Variants in DPP6 observed in about 807,000 individuals in gnomAD.
DPP6 encodes A-type potassium channel modulatory protein DPP6.
In DPP6, 69 loss-of-function variants were observed where a neutral mutation model predicts 122.6. The ratio of observed to expected loss-of-function variants is 0.56; its 90% CI spans 0.46 to 0.69. DPP6 has a LOEUF of 0.69. Ranked by LOEUF, DPP6 falls within the 30% of genes least tolerant of loss-of-function variation. DPP6 has a pLI of 0.00. For missense variants in DPP6, 928 were observed against 1,116.9 expected, an observed-to-expected ratio of 0.83 and a Z score of 2.41; for synonymous variants, 418 against 433.1, an observed-to-expected ratio of 0.97 and a Z score of 0.43.
chr7:154,434,710 C>G (rs1424958404), intron 1 of DPP6, among the ~76,000 whole-genome samples: 2 of 152,190 alleles, frequency 1.3e-5, no homozygotes, highest in Non-Finnish European at 2.9e-5. Context: ...TAATGACTCT[C>G]TAGACAGTTG....
At chr7:154,195,558 G>T (rs1376668057) in intron 1 of DPP6, among the ~76,000 whole-genome samples, 1 of 152,148 alleles carries the variant, frequency 6.6e-6, no homozygotes, top group Non-Finnish European at 1.5e-5. Flanking sequence ...TGGCACTGAT[G>T]GGATGACTCC....
In DPP6 at chr7:154,174,963, G is replaced by A. The variant is rs1286210103; in HGVS notation, c.243+121900G>A. Among the ~76,000 whole-genome samples the A allele has an allele frequency of 1.0e-4, 15 of 149,538 alleles. 1 individual carries two copies. Among genetic ancestry groups the A allele is most frequent in the African/African-American group, 2.0e-4 (8 of 40,354 alleles). ...ATGATCTCGGATCACTGCAACCTCC[G>A]CCTCCCAGGTTCAAGCAATTCTGCC... On this transcript the variant is annotated intron_variant, in intron 1 of 25. Coordinates refer to ENST00000377770, the MANE Select transcript of DPP6 (RefSeq NM_130797.4).
intron 8 of DPP6, among the ~76,000 whole-genome samples, chr7:154,756,991 C>T (rs4960606): frequency 0.23 from 35,181 of 150,498 alleles, 4,186 homozygotes; most frequent in African/African-American, 0.29. Context: ...CCATCCCTCA[C>T]GGCCCCTGAG....
chr7:154,789,503 T>C (rs941911503), intron 10 of DPP6, among the ~76,000 whole-genome samples: 1 of 152,226 alleles, frequency 6.6e-6, no homozygotes, highest in African/African-American at 2.4e-5. Flanking sequence ...ACCAGTGCCA[T>C]CTGTGTTGCA....
intron 6 of DPP6, among the ~76,000 whole-genome samples, chr7:154,667,694 C>T (rs1028522411): frequency 6.6e-6 from 1 of 152,178 alleles, no homozygotes; most frequent in African/African-American, 2.4e-5. Flanking sequence ...TGCACTCCAG[C>T]CTGAGCGATA....
At chr7:154,405,688 A>G (rs923199167) in intron 1 of DPP6, among the ~76,000 whole-genome samples, 3 of 152,160 alleles carry the variant, frequency 2.0e-5, no homozygotes, top group Admixed American at 1.3e-4. Flanking sequence ...GGGGGTGGAC[A>G]GAGAAGGGAA....
At chr7:154,579,602 G>A (rs925824474) in intron 5 of DPP6, among the ~76,000 whole-genome samples, 4 of 152,208 alleles carry the variant, frequency 2.6e-5, no homozygotes, top group Admixed American at 2.6e-4. Context: ...CCTGCCATTG[G>A]CAAGCTTGCA....
intron 6 of DPP6, among the ~76,000 whole-genome samples, chr7:154,669,001 A>G (rs888839852): frequency 6.6e-6 from 1 of 152,202 alleles, no homozygotes; most frequent in African/African-American, 2.4e-5. Context: ...AGATGGAGAT[A>G]CAAATTGTGG....
rs747252196 is a variant in DPP6 at position 154,618,287 on chromosome 7, G to A, written c.628-19534G>A. On this transcript the variant is annotated intron_variant, in intron 5 of 25. Transcript: ENST00000377770. The surrounding 1 kb of genome is among the most constrained non-coding windows in gnomAD (Gnocchi z 4.1). ...GTGTCCTTTCCCAACCCCTGAGGAA[G>A]CTCAGCAGAGATGCTTCAGGATGAG... 6.6e-6 allele frequency among the ~76,000 whole-genome samples: 1 copy of A among 152,160 alleles called. No homozygotes were observed. Among genetic ancestry groups the A allele is most frequent in the Non-Finnish European group, 1.5e-5 (1 of 68,044 alleles).
chr7:153,794,804 A>G, the DPP6 span, among the ~76,000 whole-genome samples: 28 of 152,298 alleles, frequency 1.8e-4, no homozygotes, highest in Admixed American at 3.9e-4. Context: ...GGTGTTTCCC[A>G]TGCTATTCTC....
At chr7:154,691,993 T>TGA (rs1839957948) in intron 7 of DPP6, among the ~76,000 whole-genome samples, 4 of 149,212 alleles carry the variant, frequency 2.7e-5, no homozygotes, top group Admixed American at 6.7e-5. Flanking sequence ...AACCCAGCCC[T>TGA]CACTGGATTG....
chr7:153,832,769 C>T, the DPP6 span, among the ~76,000 whole-genome samples: 4 of 135,546 alleles, frequency 3.0e-5, no homozygotes, highest in Non-Finnish European at 4.9e-5. Flanking sequence ...TGTAAGCACA[C>T]GGTTGTTATT....
chr7:154,874,149 CCA>C (rs751761051), intron 19 of DPP6, among the ~76,000 whole-genome samples: 11 of 152,164 alleles, frequency 7.2e-5, no homozygotes, highest in Non-Finnish European at 1.0e-4. Flanking sequence ...TGCACACACA[CCA>C]CACACGTTTC....
intron 20 of DPP6, among the ~76,000 whole-genome samples, chr7:154,878,689 G>A (rs1336800663): frequency 6.6e-6 from 1 of 152,196 alleles, no homozygotes; most frequent in Non-Finnish European, 1.5e-5. Flanking sequence ...GATGAGCTGT[G>A]GAAGGGAGCT....
intron 1 of DPP6, among the ~76,000 whole-genome samples, chr7:154,218,981 A>G (rs560101280): frequency 6.6e-5 from 10 of 152,342 alleles, no homozygotes; most frequent in East Asian, 1.9e-4. Flanking sequence ...GAAGATATAT[A>G]TACACACACA....
At chr7:154,829,667 C>A (rs1800475331) in intron 16 of DPP6, among the ~76,000 whole-genome samples, 1 of 152,118 alleles carries the variant, frequency 6.6e-6, no homozygotes, top group Non-Finnish European at 1.5e-5. Context: ...CAGATGGGGG[C>A]TAGCTGGCAT....
chr7:154,200,323 A>G (rs1799104297), intron 1 of DPP6, among the ~76,000 whole-genome samples: 1 of 152,154 alleles, frequency 6.6e-6, no homozygotes, highest in Non-Finnish European at 1.5e-5. Flanking sequence ...TACCTTAAAT[A>G]TTTGTCTTTA....
intron 1 of DPP6, among the ~76,000 whole-genome samples, chr7:154,300,669 G>A (rs1464611241): frequency 6.6e-6 from 1 of 152,134 alleles, no homozygotes; most frequent in Non-Finnish European, 1.5e-5. Flanking sequence ...GTGTGTGTGT[G>A]GGGTTGGGGC....
Position 154,137,156 on chromosome 7 carries a change from G to A in DPP6, c.243+84093G>A, listed in dbSNP as rs145282416. ...AATGACCATAAAACGTTTCCACCCC[G>A]TTGAGGATGTTTCTTAGGACTTCTT... On this transcript the variant is annotated intron_variant, in intron 1 of 25. Coordinates refer to ENST00000377770, the MANE Select transcript of DPP6 (RefSeq NM_130797.4). 3.1e-3 allele frequency among the ~76,000 whole-genome samples: 473 copies of A among 152,176 alleles called. 6 individuals carry two copies. Among genetic ancestry groups the A allele is most frequent in the African/African-American group, 0.01 (421 of 41,518 alleles).
Sources: gnomAD v4.1 joint callset for allele counts (sites outside exome capture counted in the v4.1 genomes callset) on GRCh38, gnomAD v4.1.1 for gene constraint, Gnocchi (gnomAD v3.1) non-coding constraint, MANE v1.5 for transcripts, NCBI Gene and HGNC (gene_info 2026-07-23, HGNC 2026-07-21) for gene names.